ACBD4: variants seen among roughly 807,000 people sequenced by gnomAD.
ACBD4 encodes the protein acyl-CoA-binding domain-containing protein 4.
ACBD4 carries 41 observed loss-of-function variants against 46.0 expected under a neutral mutation model. That is an observed-to-expected ratio of 0.89 (90% CI 0.69 to 1.16). ACBD4 has a LOEUF of 1.16. ACBD4 is among the 50% of genes most tolerant of loss of function. ACBD4 has a pLI of 0.00. For synonymous variants in ACBD4, 162 were observed against 155.9 expected (o/e 1.04, Z -0.29); for missense variants, 393 against 399.5 (o/e 0.98, Z 0.14).
rs766415785 is a variant in ACBD4 at position 45,137,426 on chromosome 17, C to T, written c.474C>T (p.Leu158=). 5.6e-6 allele frequency: 9 copies of T among 1,613,942 alleles called. No individual in the cohort carries two copies. The highest frequency in any genetic ancestry group is 7.6e-6 in the Non-Finnish European group (9 of 1,180,016). The stretch of plus-strand genomic sequence containing the variant: ...GGGCTGTTTCAGAGCCTCCCTGCCT[C>T]CCCAAGGAACCGGCACCCCCAAGCC... The part of the protein sequence containing the change: ...DVGAVSEPPC[L]PKEPAPPSPE... Residue 158 remains leucine (L), a synonymous_variant, in exon 6 of 10, where the codon CTC becomes CTT. Transcript: ENST00000321854.
intron 9 of ACBD4, among the ~76,000 whole-genome samples, chr17:45,140,342 C>T (rs752686174): frequency 1.5e-4 from 22 of 151,092 alleles, no homozygotes; most frequent in African/African-American, 2.2e-4. Context: ...ACCACCATGC[C>T]CAGATACTTT....
Position 45,137,065 on chromosome 17 carries a change from G to A in ACBD4, c.341G>A (p.Gly114Asp), listed in dbSNP as rs778510370. The A allele has an allele frequency of 7.0e-5, 113 of 1,614,002 alleles. No homozygotes were observed. Among genetic ancestry groups the A allele is most frequent in the Non-Finnish European group, 9.2e-5 (109 of 1,180,026 alleles). The change falls in exon 5 of 10, where the codon GGT becomes GAT. Residue 114 changes from glycine to aspartate, a missense_variant. Transcript: ENST00000321854. ...PLGEVAEDMF[G>D]YFEPLYQVIP... is the part of the protein sequence containing the mutation. ...GGTGAGGTGGCAGAGGACATGTTTG[G>A]TTACTTCGAGCCCCTGTACCAGGTG... is the stretch of plus-strand genomic sequence containing the variant.
At position 45,136,334 on chromosome 17, in the gene ACBD4, C is replaced by T. The variant is rs1023106618; in HGVS notation, c.88+102C>T. 4.5e-5 allele frequency: 69 copies of T among 1,538,206 alleles called. 1 individual carries two copies. In the Middle Eastern group the frequency reaches 1.2e-3, roughly 26 times the overall value. On this transcript the variant is annotated intron_variant, in intron 2 of 9. Transcript: ENST00000321854. ...ATCACTGCAGTTTTTGCAGACAAGCCCCTGCCTGGGCTGTCCTGGGGGTTC... is the reference window on the plus strand; with the variant it reads ...ATCACTGCAGTTTTTGCAGACAAGCTCCTGCCTGGGCTGTCCTGGGGGTTC...
upstream of ACBD4, among the ~76,000 whole-genome samples, chr17:45,134,638 G>T (rs1242458320): frequency 6.6e-6 from 1 of 152,004 alleles, no homozygotes; most frequent in African/African-American, 2.4e-5. Context: ...TTAGCTGGGC[G>T]TGGTGGCGAG....
At chr17:45,131,873 G>A (rs1266073050), upstream of ACBD4, among the ~76,000 whole-genome samples, 2 of 152,178 alleles carry the variant, frequency 1.3e-5, no homozygotes, top group East Asian at 1.9e-4. Flanking sequence ...CCTAAGGGCT[G>A]CCAAGACCCC....
In ACBD4 at chr17:45,138,090, A is replaced by T. The variant is rs376793400; in HGVS notation, c.649+102A>T. 4.9e-5 allele frequency: 60 copies of T among 1,219,984 alleles called. No individual in the cohort carries two copies. In the South Asian group the frequency reaches 7.2e-4, roughly 15 times the overall value. The allele number at this position is 1,219,984 out of a possible 1,614,324, so 75.6% of individuals were successfully genotyped here. On this transcript the variant is annotated intron_variant, in intron 8 of 9. Coordinates refer to ENST00000321854, the MANE Select transcript of ACBD4 (RefSeq NM_001135705.3). Reference sequence around the variant, plus strand: ...CTTCCTAGGGCAGAGTTGAAAGTCCATTGCTGGGCACTGAGCGAGAAGCCT... The same window carrying T: ...CTTCCTAGGGCAGAGTTGAAAGTCCTTTGCTGGGCACTGAGCGAGAAGCCT...
At chr17:45,139,214 T>C in intron 9 of ACBD4, 54 bp downstream of exon 9, 1 of 1,594,282 alleles carries the variant, frequency 6.3e-7, no homozygotes, top group Admixed American at 1.7e-5. Context: ...GTCTTTATTC[T>C]GGGCTCCTCT....
chr17:45,137,630 C>A (rs2054944877), intron 6 of ACBD4, 130 bp from the exon 7 acceptor site: 12 of 1,330,718 alleles, frequency 9.0e-6, no homozygotes, highest in Non-Finnish European at 1.3e-5. Flanking sequence ...CCCATCTGTG[C>A]CTCAGGTGTT....
chr17:45,143,256 C>G (rs969280360), intron 9 of ACBD4, among the ~76,000 whole-genome samples, 187 bp from the exon 10 acceptor site: 4 of 152,200 alleles, frequency 2.6e-5, no homozygotes, highest in African/African-American at 4.8e-5. Context: ...TGGGATTGCC[C>G]TGGGGAGGAA....
intron 8 of ACBD4, chr17:45,138,380 G>C (rs142004638): frequency 1.5e-4 from 43 of 290,674 alleles, no homozygotes; most frequent in African/African-American, 9.3e-4. Flanking sequence ...CCTGTTGTGT[G>C]TCAGGTCCTG....
chr17:45,142,190 C>T (rs556854882), intron 9 of ACBD4, among the ~76,000 whole-genome samples: 9 of 151,742 alleles, frequency 5.9e-5, no homozygotes, highest in African/African-American at 2.2e-4. Context: ...GTCAGGAGTT[C>T]GAGACCAGCC....
Position 45,137,623 on chromosome 17 carries a change from A to T in ACBD4, c.503-137A>T, listed in dbSNP as rs2054944300. ...TTCCAGGGCCTTGCTTCTGGCGCCC[A>T]TCTGTGCCTCAGGTGTTGATATCTC... On this transcript the variant is annotated intron_variant, in intron 6 of 9. Coordinates refer to ENST00000321854, the MANE Select transcript of ACBD4 (RefSeq NM_001135705.3). 3.8e-6 allele frequency: 5 copies of T among 1,321,778 alleles called. No homozygotes were observed. The African/African-American group carries it at 5.8e-5, about 15-fold the overall frequency. 81.9% of individuals were successfully genotyped at this position (1,321,778 alleles called of 1,614,324 possible). A position where few individuals can be genotyped will look rare whatever the true frequency, so the allele number is the denominator to read the frequency against.
intron 9 of ACBD4, among the ~76,000 whole-genome samples, chr17:45,139,728 G>A (rs1258456932): frequency 1.3e-5 from 2 of 152,196 alleles, no homozygotes; most frequent in Non-Finnish European, 2.9e-5. Context: ...CCCTTTTAGA[G>A]AGGGAAACTA....
At chr17:45,132,939 C>G (rs2054527270), upstream of ACBD4, 1 of 152,926 alleles carries the variant, frequency 6.5e-6, no homozygotes. The surrounding 1 kb of genome is among the most constrained non-coding windows in gnomAD (Gnocchi z 4.6). Context: ...ACCCCGGGAG[C>G]TGAGCCGCTC....
Position 45,143,685 on chromosome 17 carries a change from C to T in ACBD4, c.*114C>T, listed in dbSNP as rs778975924. ...TCCCCGTCCTGTCAGTGTTTGCCTT[C>T]GCACCTCCTCCCCTAAAGCAGCGCG... On this transcript the variant is annotated 3_prime_UTR_variant, in exon 10 of 10. Transcript: ENST00000321854. 4.5e-6 allele frequency: 7 copies of T among 1,567,558 alleles called. No homozygotes were observed. The highest frequency in any genetic ancestry group is 5.2e-6 in the Non-Finnish European group (6 of 1,146,056).
intron 5 of ACBD4, 61 bp from the exon 6 acceptor site, chr17:45,137,307 G>C: frequency 6.2e-7 from 1 of 1,607,450 alleles, no homozygotes; most frequent in Non-Finnish European, 8.5e-7. Flanking sequence ...GTAGGGGCTT[G>C]ATCACACTGG....
upstream of ACBD4, chr17:45,133,129 G>C (rs1055008878): frequency 2.6e-5 from 4 of 152,320 alleles, no homozygotes; most frequent in African/African-American, 4.8e-5. Context: ...ACTGGTTCTG[G>C]GTTCGAGGCT....
upstream of ACBD4, chr17:45,132,468 G>C: frequency 9.2e-7 from 1 of 1,091,882 alleles, no homozygotes. This position sits in a 1 kb window ranked among gnomAD's most constrained non-coding sequence, Gnocchi z 4.6. Context: ...AGGGCAGCGG[G>C]GCGCCGCTCT....
chr17:45,143,557 A>T lies in ACBD4; in HGVS notation c.904A>T (p.Thr302Ser). The change falls in exon 10 of 10, where the codon ACC becomes TCC. Residue 302 changes from threonine (T) to serine (S), a missense_variant. This residue lies in a region of ACBD4 where 308 missense variants were observed against 301.8 expected (regional missense o/e 1.02). Coordinates refer to ENST00000321854, the MANE Select transcript of ACBD4 (RefSeq NM_001135705.3). ...CCAGTGGCTCTTCCGAATGTTTCGG[A>T]CCCAAAAGAGGTGACTGTCAGTGGA... ...VVQWLFRMFRTQKR is the reference protein window; with the variant it reads ...VVQWLFRMFRSQKR 5.6e-6 allele frequency: 9 copies of T among 1,613,912 alleles called. No homozygotes were observed. The highest frequency in any genetic ancestry group is 7.6e-6 in the Non-Finnish European group (9 of 1,179,974).
Sources: gnomAD v4.1 joint callset for allele counts (sites outside exome capture counted in the v4.1 genomes callset) on GRCh38, gnomAD v4.1.1 for gene constraint, gnomAD v4.1.1 regional missense constraint, Gnocchi (gnomAD v3.1) non-coding constraint, MANE v1.5 for transcripts, NCBI Gene and HGNC (gene_info 2026-07-23, HGNC 2026-07-21) for gene names.